Variants in GRAMD1B observed in about 807,000 individuals in gnomAD.
GRAMD1B encodes GRAM domain containing 1B.
GRAMD1B carries 37 observed loss-of-function variants against 99.7 expected under a neutral mutation model. The observed-to-expected ratio is 0.37, with a 90% CI of 0.29 to 0.49. The LOEUF (loss-of-function observed/expected upper bound fraction) is 0.49. GRAMD1B is among the 20% of genes least tolerant of loss of function. The probability of loss-of-function intolerance (pLI) is 0.98; values close to 1 mark genes in which losing one functional copy is unlikely to be tolerated. For missense variants in GRAMD1B, 888 were observed against 1,009.2 expected, an observed-to-expected ratio of 0.88 and a Z score of 1.63; for synonymous variants, 427 against 387.6, an observed-to-expected ratio of 1.10 and a Z score of -1.19.
At position 123,577,444 on chromosome 11, in the gene GRAMD1B, A is replaced by G. The variant is rs1370156270; in HGVS notation, c.530A>G (p.Gln177Arg). 1.9e-6 allele frequency: 3 copies of G among 1,603,696 alleles called. No homozygotes were observed. In the South Asian group the frequency reaches 3.4e-5, roughly 18 times the overall value. The change falls in exon 3 of 20, where the codon CAG becomes CGG. Residue 177 changes from glutamine (Q) to arginine (R), a missense_variant. This residue lies in a region of GRAMD1B where 233 missense variants were observed against 154.6 expected (regional missense o/e 1.51). Transcript: ENST00000635736. ...AAGCGGTCTCGCTCGCCAACCCCGC[A>G]GAACCAGGACGGAGACACCATGGTG... ...LRKRSRSPTP[Q>R]NQDGDTMVEK...
intron 1 of GRAMD1B, among the ~76,000 whole-genome samples, chr11:123,379,618 A>G (rs749670464): frequency 4.6e-5 from 7 of 152,210 alleles, no homozygotes; most frequent in Non-Finnish European, 8.8e-5. Context: ...CTTTTCAGCT[A>G]TTATGAGTAA....
At chr11:123,509,100 TA>T (rs924907376) in intron 2 of GRAMD1B, among the ~76,000 whole-genome samples, 1 of 152,090 alleles carries the variant, frequency 6.6e-6, no homozygotes, top group Non-Finnish European at 1.5e-5. Flanking sequence ...AAGGAGTAAA[TA>T]AGGAGGGGTC....
intron 1 of GRAMD1B, among the ~76,000 whole-genome samples, chr11:123,414,901 C>T (rs1565483894): frequency 1.3e-5 from 2 of 151,992 alleles, no homozygotes; most frequent in Non-Finnish European, 2.9e-5. Flanking sequence ...CTTGGGGTTT[C>T]GCCACCCCAC....
intron 2 of GRAMD1B, among the ~76,000 whole-genome samples, chr11:123,527,700 GA>G (rs1182482037): frequency 3.3e-5 from 5 of 152,198 alleles, no homozygotes; most frequent in Non-Finnish European, 5.9e-5. Context: ...AGGCCTCCAA[GA>G]AAAGCCCAGG....
intron 4 of GRAMD1B, 138 bp from the exon 5 acceptor site, chr11:123,593,944 G>C: frequency 1.5e-6 from 1 of 649,298 alleles, no homozygotes; most frequent in South Asian, 1.8e-5. Flanking sequence ...TCCTCAGCCT[G>C]GCCTCCTAGG....
At chr11:123,616,958 A>G (rs1392491577) in intron 17 of GRAMD1B, among the ~76,000 whole-genome samples, 1 of 152,220 alleles carries the variant, frequency 6.6e-6, no homozygotes, top group Non-Finnish European at 1.5e-5. Context: ...GGCCTTGGGG[A>G]CAACTCAGAG....
At chr11:123,526,297 G>A (rs1157126706) in intron 2 of GRAMD1B, 5 of 786,018 alleles carry the variant, frequency 6.4e-6, no homozygotes, top group Non-Finnish European at 1.1e-5. Flanking sequence ...TTAAGATGTG[G>A]GGACTAGGCA....
At chr11:123,600,901 G>A (rs1372736532) in intron 8 of GRAMD1B, among the ~76,000 whole-genome samples, 2 of 152,208 alleles carry the variant, frequency 1.3e-5, no homozygotes, top group African/African-American at 4.8e-5. Context: ...GGTCAGTCAG[G>A]AGATGGAAAG....
At chr11:123,497,703 C>T (rs1390873924) in intron 2 of GRAMD1B, among the ~76,000 whole-genome samples, 1 of 152,030 alleles carries the variant, frequency 6.6e-6, no homozygotes, top group African/African-American at 2.4e-5. Context: ...GAATTTGAGA[C>T]CAGCCTGGCC....
chr11:123,462,891 T>TAAAAAAA (rs1022451957), intron 1 of GRAMD1B, among the ~76,000 whole-genome samples: 15 of 111,408 alleles, frequency 1.3e-4, no homozygotes, highest in African/African-American at 2.2e-4. Flanking sequence ...AAAAATAAAT[T>TAAAAAAA]AAAAAAAAAA....
At chr11:123,619,577 T>C (rs959346209) in intron 19 of GRAMD1B, 109 of 1,148,424 alleles carry the variant, frequency 9.5e-5, no homozygotes, top group Non-Finnish European at 1.1e-4. Context: ...GAGATTTGTC[T>C]TCCCAGAGGG....
intron 1 of GRAMD1B, among the ~76,000 whole-genome samples, chr11:123,413,165 T>G (rs1223295084): frequency 6.6e-6 from 1 of 152,170 alleles, no homozygotes; most frequent in Non-Finnish European, 1.5e-5. Context: ...GGAATGGACC[T>G]CGATTATATC....
intron 1 of GRAMD1B, among the ~76,000 whole-genome samples, chr11:123,380,850 T>C (rs1375116695): frequency 6.6e-6 from 1 of 152,228 alleles, no homozygotes; most frequent in Non-Finnish European, 1.5e-5. Context: ...ATTCTGGGAC[T>C]GGAGACAGTT....
intron 9 of GRAMD1B, among the ~76,000 whole-genome samples, chr11:123,604,375 C>G (rs561242216): frequency 6.6e-6 from 1 of 152,098 alleles, no homozygotes; most frequent in Non-Finnish European, 1.5e-5. Flanking sequence ...GAGGAAGGCC[C>G]TAGGAAGGTT....
At chr11:123,536,475 C>T (rs1943972015) in intron 2 of GRAMD1B, among the ~76,000 whole-genome samples, 2 of 151,984 alleles carry the variant, frequency 1.3e-5, no homozygotes, top group Admixed American at 1.3e-4. Context: ...GACATCTACC[C>T]CAGAGGGCTG....
chr11:123,395,987 T>G (rs577118216), intron 1 of GRAMD1B, among the ~76,000 whole-genome samples: 1 of 152,300 alleles, frequency 6.6e-6, no homozygotes, highest in South Asian at 2.1e-4. Context: ...ATCTATTTAT[T>G]AGTAGCTTAT....
chr11:123,509,233 C>A (rs929158575), intron 2 of GRAMD1B, among the ~76,000 whole-genome samples: 2 of 152,104 alleles, frequency 1.3e-5, no homozygotes, highest in Non-Finnish European at 2.9e-5. Context: ...TCCTCATCTG[C>A]AAAATGGGAG....
intron 1 of GRAMD1B, among the ~76,000 whole-genome samples, chr11:123,406,910 C>T (rs1014115622): frequency 1.3e-5 from 2 of 152,204 alleles, no homozygotes; most frequent in African/African-American, 4.8e-5. Context: ...GTGCCAGACA[C>T]TGTTTCAGGT....
chr11:123,413,283 T>G (rs191835690), intron 1 of GRAMD1B, among the ~76,000 whole-genome samples: 1 of 152,322 alleles, frequency 6.6e-6, no homozygotes, highest in Admixed American at 6.5e-5. Context: ...TTCCCTCTTA[T>G]CATTCCCTTT....
Sources: allele counts gnomAD v4.1 joint callset (sites outside exome capture counted in the v4.1 genomes callset), GRCh38; gene constraint gnomAD v4.1.1; regional missense constraint gnomAD v4.1.1; transcripts MANE v1.5; gene names NCBI Gene and HGNC (gene_info 2026-07-23, HGNC 2026-07-21).